PRKG1: variants seen among roughly 807,000 people sequenced by gnomAD.
PRKG1 encodes cGMP-dependent protein kinase 1.
A neutral mutation model predicts 88.1 loss-of-function variants in PRKG1; 35 were observed. That is an observed-to-expected ratio of 0.40 (90% CI 0.30 to 0.53). The LOEUF is 0.53. Among genes scored for constraint, PRKG1 ranks in the 20% least tolerant of loss-of-function variants. PRKG1 has a pLI of 0.59. For synonymous variants in PRKG1, 303 were observed against 292.5 expected (o/e 1.04, Z -0.37); for missense variants, 540 against 839.8 (o/e 0.64, Z 4.41).
intron 2 of PRKG1, among the ~76,000 whole-genome samples, chr10:51,357,378 T>A (rs968603305): frequency 6.6e-6 from 1 of 151,940 alleles, no homozygotes; most frequent in African/African-American, 2.4e-5. Flanking sequence ...CTTGGCTCAT[T>A]TGCCTTCTGT....
intron 1 of PRKG1, among the ~76,000 whole-genome samples, chr10:51,063,585 T>G (rs1252252632): frequency 6.6e-6 from 1 of 152,188 alleles, no homozygotes; most frequent in Non-Finnish European, 1.5e-5. Flanking sequence ...GTATATGCGG[T>G]CTATCATTGA....
At chr10:51,881,138 G>C (rs1001341198) in intron 4 of PRKG1, among the ~76,000 whole-genome samples, 1 of 151,908 alleles carries the variant, frequency 6.6e-6, no homozygotes, top group Non-Finnish European at 1.5e-5. Context: ...TTTGAGAATT[G>C]AAAAGATCAG....
At chr10:51,837,224 T>C (rs1840154924) in intron 4 of PRKG1, among the ~76,000 whole-genome samples, 1 of 152,150 alleles carries the variant, frequency 6.6e-6, no homozygotes, top group African/African-American at 2.4e-5. Flanking sequence ...GCTCCGAGGG[T>C]AGAACTTGCT....
intron 5 of PRKG1, among the ~76,000 whole-genome samples, chr10:51,950,847 G>A (rs1843165799): frequency 1.3e-5 from 2 of 152,216 alleles, no homozygotes; most frequent in African/African-American, 4.8e-5. Flanking sequence ...CAAGAAGAAT[G>A]AGGTTATGCT....
In PRKG1 at chr10:52,050,111, A is replaced by G. The variant is rs1230217261; in HGVS notation, c.763-4373A>G. Among the ~76,000 whole-genome samples the G allele has an allele frequency of 2.6e-5, 4 of 152,036 alleles. No individual in the cohort carries two copies. The East Asian group carries it at 7.7e-4, about 29-fold the overall frequency. On this transcript the variant is annotated intron_variant, in intron 5 of 17. Transcript: ENST00000373980. ...TGGGTATGCCAGGTGAGAGAAGGCT[A>G]AGATCTGAAAGAAAAGTAGGATATA...
intron 3 of PRKG1, among the ~76,000 whole-genome samples, chr10:51,486,129 C>G (rs769628200): frequency 2.7e-4 from 41 of 152,034 alleles, no homozygotes; most frequent in Non-Finnish European, 3.2e-4. Flanking sequence ...GATAAGAACA[C>G]ATACCAGAAT....
chr10:51,479,283 G>A (rs293304), intron 3 of PRKG1, among the ~76,000 whole-genome samples: 17,222 of 151,920 alleles, frequency 0.11, 1,152 homozygotes, highest in Non-Finnish European at 0.15. Flanking sequence ...ATACATACAT[G>A]TAAAGATTTT....
At chr10:51,706,351 C>T (rs1435053174) in intron 3 of PRKG1, among the ~76,000 whole-genome samples, 2 of 152,180 alleles carry the variant, frequency 1.3e-5, no homozygotes, top group Non-Finnish European at 2.9e-5. Flanking sequence ...GAGTGAGCCA[C>T]AATGCCTGGC....
At chr10:51,859,773 A>G (rs1840821879) in intron 4 of PRKG1, among the ~76,000 whole-genome samples, 1 of 152,138 alleles carries the variant, frequency 6.6e-6, no homozygotes, top group South Asian at 2.1e-4. Flanking sequence ...TCTATTTCCC[A>G]TACAAAAAAA....
chr10:51,076,113 T>G (rs1178459264), intron 1 of PRKG1, among the ~76,000 whole-genome samples: 1 of 152,212 alleles, frequency 6.6e-6, no homozygotes, highest in Non-Finnish European at 1.5e-5. Flanking sequence ...TTGGATGTTT[T>G]TTGGGGAGAA....
At chr10:51,119,840 A>G (rs923023041) in intron 1 of PRKG1, among the ~76,000 whole-genome samples, 4 of 152,112 alleles carry the variant, frequency 2.6e-5, no homozygotes, top group African/African-American at 9.6e-5. Context: ...TTTTTAGTCA[A>G]TGTTCTAGAA....
At chr10:51,593,589 A>T (rs1838365922) in intron 3 of PRKG1, among the ~76,000 whole-genome samples, 1 of 152,194 alleles carries the variant, frequency 6.6e-6, no homozygotes, top group Non-Finnish European at 1.5e-5. Context: ...GCAGGTGGTC[A>T]GGGAGCCATC....
At chr10:51,932,114 A>G (rs1842706207) in intron 5 of PRKG1, among the ~76,000 whole-genome samples, 1 of 152,008 alleles carries the variant, frequency 6.6e-6, no homozygotes, top group African/African-American at 2.4e-5. Flanking sequence ...TAGTCTTATA[A>G]ATATTCTGCT....
At chr10:51,475,861 A>C (rs1840177654) in intron 3 of PRKG1, among the ~76,000 whole-genome samples, 1 of 151,922 alleles carries the variant, frequency 6.6e-6, no homozygotes, top group Non-Finnish European at 1.5e-5. Flanking sequence ...ACAAAGAAAA[A>C]ATTTCGTTTG....
At chr10:51,604,089 CT>C (rs11290534) in intron 3 of PRKG1, among the ~76,000 whole-genome samples, 89,931 of 141,544 alleles carry the variant, frequency 0.64, 28,036 homozygotes, top group Admixed American at 0.67. Flanking sequence ...TGGTCCCTGC[CT>C]TTTTTTTTTT....
chr10:51,258,315 A>T (rs1839617156), intron 2 of PRKG1, among the ~76,000 whole-genome samples: 1 of 152,194 alleles, frequency 6.6e-6, no homozygotes, highest in African/African-American at 2.4e-5. Context: ...TACCATTCTT[A>T]TGTCTTTGGT....
At chr10:51,601,666 T>C (rs1486979441) in intron 3 of PRKG1, among the ~76,000 whole-genome samples, 3 of 151,106 alleles carry the variant, frequency 2.0e-5, no homozygotes. Context: ...TGTTTTCTTT[T>C]TAACCATGTG....
intron 3 of PRKG1, among the ~76,000 whole-genome samples, chr10:51,555,022 G>T (rs891042112): frequency 6.6e-6 from 1 of 151,872 alleles, no homozygotes; most frequent in Non-Finnish European, 1.5e-5. Flanking sequence ...TGTTTGTTAA[G>T]GTTCATGATT....
intron 5 of PRKG1, among the ~76,000 whole-genome samples, chr10:51,936,109 A>G (rs1842795283): frequency 6.6e-6 from 1 of 151,776 alleles, no homozygotes. Flanking sequence ...TTAAATTTCT[A>G]AATTTAAATT....
Sources: gnomAD v4.1 joint callset for allele counts (sites outside exome capture counted in the v4.1 genomes callset) on GRCh38, gnomAD v4.1.1 for gene constraint, MANE v1.5 for transcripts, NCBI Gene and HGNC (gene_info 2026-07-23, HGNC 2026-07-21) for gene names.